The following IL1RAPL1 variants were observed in gnomAD, a reference collection of about 807,000 sequenced individuals.
IL1RAPL1 encodes interleukin-1 receptor accessory protein-like 1.
A neutral mutation model predicts 48.4 loss-of-function variants in IL1RAPL1; 3 were observed. The observed-to-expected ratio is 0.06, with a 90% confidence interval of 0.03 to 0.16. The LOEUF (loss-of-function observed/expected upper bound fraction) is 0.16. Among genes scored for constraint, IL1RAPL1 ranks in the 10% least tolerant of loss-of-function variants. The pLI is 1.00. For synonymous variants in IL1RAPL1, 185 were observed against 187.7 expected (o/e 0.99, Z 0.12); for missense variants, 349 against 530.6 (o/e 0.66, Z 3.36).
At chrX:28,960,633 A>G (rs769131206) in intron 2 of IL1RAPL1, among the ~76,000 whole-genome samples, 49 of 111,962 alleles carry the variant, frequency 4.4e-4, no homozygotes, top group African/African-American at 1.5e-3. Flanking sequence ...AAAATTTGCT[A>G]CACATTGCTA....
chrX:28,643,233 T>C (rs919233421), intron 1 of IL1RAPL1, among the ~76,000 whole-genome samples: 3 of 111,348 alleles, frequency 2.7e-5, no homozygotes, highest in African/African-American at 9.8e-5. Context: ...ACTCATAGCA[T>C]TGGCAAATTA....
At chrX:28,810,479 A>G (rs1936781593) in intron 2 of IL1RAPL1, among the ~76,000 whole-genome samples, 1 of 110,910 alleles carries the variant, frequency 9.0e-6, no homozygotes, top group African/African-American at 3.3e-5. Context: ...GGATTTGGAC[A>G]CAGGTATAAC....
At chrX:29,589,597 A>G (rs1045707709) in intron 5 of IL1RAPL1, among the ~76,000 whole-genome samples, 1 of 111,799 alleles carries the variant, frequency 8.9e-6, no homozygotes, top group Admixed American at 9.5e-5. Context: ...TCCTGGATAT[A>G]CTATAGCCTA....
intron 5 of IL1RAPL1, among the ~76,000 whole-genome samples, chrX:29,618,514 G>C (rs1206891578): frequency 9.0e-6 from 1 of 111,506 alleles, no homozygotes; most frequent in African/African-American, 3.3e-5. Flanking sequence ...CCCTCCGGAG[G>C]ATCTAGGGGA....
At chrX:28,859,769 G>T (rs1921894484) in intron 2 of IL1RAPL1, among the ~76,000 whole-genome samples, 1 of 105,889 alleles carries the variant, frequency 9.4e-6, no homozygotes, top group Non-Finnish European at 1.9e-5. Context: ...ATATAATATT[G>T]ATATACAATA....
Position 29,731,222 on chromosome X carries a change from A to C in IL1RAPL1, c.778+62718A>C, listed in dbSNP as rs561292788. Among the ~76,000 whole-genome samples, 3 of 112,127 alleles carry C rather than the reference A, an allele frequency of 2.7e-5. No homozygotes were observed. The East Asian group carries it at 8.5e-4, about 32-fold the overall frequency. On this transcript the variant is annotated intron_variant, in intron 6 of 10. Coordinates refer to ENST00000378993, the MANE Select transcript of IL1RAPL1 (RefSeq NM_014271.4). ...GATAAAGTGGGTTCTGCTGATCATC[A>C]TATAGCTTTCCATCTAGTCTCACCA... is the stretch of plus-strand genomic sequence containing the variant.
intron 6 of IL1RAPL1, among the ~76,000 whole-genome samples, chrX:29,825,355 A>G (rs1320044922): frequency 1.8e-5 from 2 of 111,160 alleles, no homozygotes; most frequent in African/African-American, 6.5e-5. Context: ...AAACTTCAAT[A>G]TGAATCTTTA....
intron 2 of IL1RAPL1, among the ~76,000 whole-genome samples, chrX:29,181,961 A>G (rs765486030): frequency 8.9e-6 from 1 of 111,802 alleles, no homozygotes; most frequent in African/African-American, 3.2e-5. Context: ...AACAACTGCT[A>G]AAGCCCATGG....
At chrX:28,759,468 A>T (rs953967616) in intron 1 of IL1RAPL1, among the ~76,000 whole-genome samples, 13 of 110,423 alleles carry the variant, frequency 1.2e-4, no homozygotes, top group Non-Finnish European at 1.9e-4. Context: ...GACACATCAA[A>T]TATTTAAAAA....
intron 2 of IL1RAPL1, among the ~76,000 whole-genome samples, chrX:28,948,827 A>G (rs767079361): frequency 6.5e-4 from 72 of 111,234 alleles, no homozygotes; most frequent in African/African-American, 2.2e-3. Flanking sequence ...GCCTATGCCT[A>G]TGTACCTATG....
At chrX:29,182,994 G>A (rs1252064327) in intron 2 of IL1RAPL1, among the ~76,000 whole-genome samples, 1 of 111,274 alleles carries the variant, frequency 9.0e-6, no homozygotes, top group Non-Finnish European at 1.9e-5. Context: ...AAGGCAAACA[G>A]AAGGGATTCT....
At chrX:29,888,131 A>AT (rs34603125) in intron 6 of IL1RAPL1, among the ~76,000 whole-genome samples, 7,470 of 107,542 alleles carry the variant, frequency 0.069, 255 homozygotes, top group Admixed American at 0.16. Context: ...AGAAGTTAGG[A>AT]TTTTTTTTTT....
intron 2 of IL1RAPL1, among the ~76,000 whole-genome samples, chrX:28,803,596 C>T (rs1368270544): frequency 9.0e-6 from 1 of 111,586 alleles, no homozygotes; most frequent in Admixed American, 9.6e-5. Context: ...ATAATACACC[C>T]CCCACACACG....
chrX:29,548,798 A>T (rs1213303565), intron 5 of IL1RAPL1, among the ~76,000 whole-genome samples: 1 of 112,105 alleles, frequency 8.9e-6, no homozygotes, highest in Non-Finnish European at 1.9e-5. Flanking sequence ...ATAATGATTT[A>T]TCTCAGTAAG....
intron 3 of IL1RAPL1, among the ~76,000 whole-genome samples, chrX:29,317,870 C>G (rs1932775632): frequency 9.0e-6 from 1 of 111,548 alleles, no homozygotes; most frequent in African/African-American, 3.3e-5. Context: ...CCTGATAATC[C>G]TGCGAGGTAA....
chrX:29,430,844 G>C (rs1934414207), intron 5 of IL1RAPL1, among the ~76,000 whole-genome samples: 1 of 110,243 alleles, frequency 9.1e-6, no homozygotes, highest in African/African-American at 3.3e-5. Context: ...GAAACTCTTG[G>C]TAAATGTATA....
rs143530808 is a variant in IL1RAPL1 at position 29,927,337 on chromosome X, C to A, written c.1057+7243C>A. On this transcript the variant is annotated intron_variant, in intron 8 of 10. Transcript: ENST00000378993. The stretch of plus-strand genomic sequence containing the variant: ...GCTCACTGTCTCCATGAGAAAGGAA[C>A]CAAAGCTGAGTAGAGCCAGTCAGTA... 7.2e-3 allele frequency among the ~76,000 whole-genome samples: 810 copies of A among 112,103 alleles called. 7 individuals are homozygous for A. The highest frequency in any genetic ancestry group is 0.024 in the African/African-American group (750 of 30,864).
intron 1 of IL1RAPL1, among the ~76,000 whole-genome samples, chrX:28,666,190 T>A: frequency 8.9e-6 from 1 of 112,198 alleles, no homozygotes; most frequent in Middle Eastern, 4.6e-3. Flanking sequence ...TTGCTTCCTT[T>A]GTGCTGCTGC....
intron 6 of IL1RAPL1, among the ~76,000 whole-genome samples, chrX:29,795,404 A>C (rs1359744220): frequency 9.0e-6 from 1 of 111,674 alleles, no homozygotes; most frequent in African/African-American, 3.3e-5. Flanking sequence ...ATCTGGAGTA[A>C]TCGCTTCCAA....
Sources: allele counts gnomAD v4.1 joint callset (sites outside exome capture counted in the v4.1 genomes callset), GRCh38; gene constraint gnomAD v4.1.1; transcripts MANE v1.5; gene names NCBI Gene and HGNC (gene_info 2026-07-23, HGNC 2026-07-21).